Variants in RELN observed in about 807,000 individuals in gnomAD.
The protein encoded by RELN is reelin.
A neutral mutation model predicts 427.6 loss-of-function variants in RELN; 108 were observed. The observed-to-expected ratio is 0.25, with a 90% CI of 0.22 to 0.30. The LOEUF is 0.30. Among genes scored for constraint, RELN ranks in the 10% least tolerant of loss-of-function variants. The probability of loss-of-function intolerance (pLI) is 1.00; values close to 1 mark genes in which losing one functional copy is unlikely to be tolerated. For synonymous variants in RELN, 1,524 were observed against 1,513.4 expected (o/e 1.01, Z -0.16); for missense variants, 3,715 against 4,302.8 (o/e 0.86, Z 3.82).
chr7:103,521,544 A>G (rs1290741887), intron 48 of RELN, among the ~76,000 whole-genome samples: 2 of 152,232 alleles, frequency 1.3e-5, no homozygotes, highest in African/African-American at 4.8e-5. Context: ...CTCATTTTCC[A>G]GATTTTTGGC....
chr7:103,675,442 C>T (rs957961422), intron 11 of RELN, among the ~76,000 whole-genome samples: 1 of 152,248 alleles, frequency 6.6e-6, no homozygotes, highest in East Asian at 1.9e-4. Context: ...CAATCAATAT[C>T]ATGAAAATGG....
intron 1 of RELN, among the ~76,000 whole-genome samples, chr7:103,944,244 AT>A (rs532200513): frequency 8.1e-4 from 124 of 152,170 alleles, no homozygotes; most frequent in Non-Finnish European, 1.5e-3. Context: ...GAAAAAACTG[AT>A]TTTTTTTCTA....
At chr7:103,893,031 C>A (rs1563075001) in intron 2 of RELN, among the ~76,000 whole-genome samples, 1 of 152,058 alleles carries the variant, frequency 6.6e-6, no homozygotes, top group East Asian at 1.9e-4. Flanking sequence ...CAAGGGAGAC[C>A]AAAAGGAATT....
At chr7:103,862,438 T>C (rs1341819776) in intron 2 of RELN, among the ~76,000 whole-genome samples, 2 of 151,838 alleles carry the variant, frequency 1.3e-5, no homozygotes, top group African/African-American at 4.8e-5. Flanking sequence ...TATCTATCTA[T>C]CTATCTATCT....
chr7:103,908,899 A>C (rs1795277625), intron 2 of RELN, among the ~76,000 whole-genome samples: 1 of 152,168 alleles, frequency 6.6e-6, no homozygotes, highest in African/African-American at 2.4e-5. Context: ...TTGTTTAATT[A>C]ATCTGGAGTC....
At chr7:103,941,297 T>C (rs1796109058) in intron 1 of RELN, among the ~76,000 whole-genome samples, 3 of 152,214 alleles carry the variant, frequency 2.0e-5, no homozygotes, top group Non-Finnish European at 4.4e-5. Flanking sequence ...CTTTAAGTGG[T>C]AGGTAAAACA....
At chr7:103,865,132 C>CAAAAAAAAAAAAAAAAAAAA (rs386410871) in intron 2 of RELN, among the ~76,000 whole-genome samples, 1 of 67,198 alleles carries the variant, frequency 1.5e-5, no homozygotes, top group Non-Finnish European at 2.7e-5. Context: ...GAAACTGTCT[C>CAAAAAAAAAAAAAAAAAAAA]AAAAAAAAAA....
chr7:103,515,632 T>TG (rs1829548764), intron 49 of RELN, among the ~76,000 whole-genome samples, 191 bp from the exon 50 acceptor site: 1 of 152,194 alleles, frequency 6.6e-6, no homozygotes, highest in Non-Finnish European at 1.5e-5. Context: ...GTCACTAAAT[T>TG]GGGGGAAATA....
At chr7:103,872,546 C>T (rs1197875514) in intron 2 of RELN, among the ~76,000 whole-genome samples, 9 of 132,726 alleles carry the variant, frequency 6.8e-5, no homozygotes, top group African/African-American at 1.6e-4. Flanking sequence ...GTCTTTATAG[C>T]GGCATGATTT....
chr7:103,793,760 T>G (rs571137231), intron 3 of RELN, among the ~76,000 whole-genome samples: 40 of 152,252 alleles, frequency 2.6e-4, no homozygotes, highest in Admixed American at 8.5e-4. Context: ...AGTGAACATT[T>G]TGCTAAACAG....
chr7:103,776,746 A>C, intron 3 of RELN, 119 bp from the exon 4 acceptor site: 1 of 994,862 alleles, frequency 1.0e-6, no homozygotes. Context: ...GATATTTTTA[A>C]TGAGTACATC....
At chr7:103,826,731 T>C (rs933162406) in intron 3 of RELN, among the ~76,000 whole-genome samples, 1 of 152,060 alleles carries the variant, frequency 6.6e-6, no homozygotes, top group Non-Finnish European at 1.5e-5. Context: ...TTTTAAAAAA[T>C]TTCTACTAGA....
At chr7:103,743,354 C>G (rs1046215870) in intron 6 of RELN, among the ~76,000 whole-genome samples, 7 of 152,154 alleles carry the variant, frequency 4.6e-5, no homozygotes, top group Non-Finnish European at 1.0e-4. Flanking sequence ...ACTGCACCAA[C>G]TAACAAGCAA....
At chr7:103,684,544 GA>G (rs1376315267) in intron 10 of RELN, among the ~76,000 whole-genome samples, 1 of 152,074 alleles carries the variant, frequency 6.6e-6, no homozygotes, top group Non-Finnish European at 1.5e-5. Flanking sequence ...ACAAAAATTG[GA>G]AACCAAAAAC....
At chr7:103,540,147 A>G (rs769379014) in intron 44 of RELN, 50 bp downstream of exon 44, 2 of 1,609,534 alleles carry the variant, frequency 1.2e-6, no homozygotes, top group South Asian at 1.1e-5. Context: ...CTAAGGCCAC[A>G]TTCAGCTCAA....
chr7:103,604,232 G>C (rs1831751712), intron 23 of RELN, 114 bp downstream of exon 23: 1 of 1,217,378 alleles, frequency 8.2e-7, no homozygotes, highest in South Asian at 1.2e-5. Context: ...GTTTCTTTTG[G>C]CTATGTCATT....
chr7:103,754,466 A>G (rs1215410242), intron 4 of RELN, among the ~76,000 whole-genome samples: 1 of 151,924 alleles, frequency 6.6e-6, no homozygotes, highest in Non-Finnish European at 1.5e-5. Flanking sequence ...CGAGTCACTC[A>G]GAGAGAATGT....
chr7:103,865,496 C>A (rs1794177128), intron 2 of RELN, among the ~76,000 whole-genome samples: 1 of 152,036 alleles, frequency 6.6e-6, no homozygotes. Flanking sequence ...ATGCAACAAT[C>A]CTAAAACAAA....
rs1237315716 is a variant in RELN at position 103,496,620 on chromosome 7, GACC to G, written c.9096_9098del (p.Val3033del). The G allele has an allele frequency of 6.2e-7, 1 of 1,614,152 alleles. No homozygotes were observed. Among genetic ancestry groups the G allele is most frequent in the East Asian group, 2.2e-5 (1 of 44,886 alleles). ...CCCACTGAGCACGCTCCACCCCAGAGACCACAATTCCATTGCTGATCACAAAAG... is the reference window on the plus strand; with the variant it reads ...CCCACTGAGCACGCTCCACCCCAGAGACAATTCCATTGCTGATCACAAAAG... On this transcript the variant is annotated inframe_deletion, in exon 56 of 65. Transcript: ENST00000428762.
Sources: allele counts gnomAD v4.1 joint callset (sites outside exome capture counted in the v4.1 genomes callset), GRCh38; gene constraint gnomAD v4.1.1; transcripts MANE v1.5; gene names NCBI Gene and HGNC (gene_info 2026-07-23, HGNC 2026-07-21).